Variants in CARS1 observed in about 807,000 individuals in gnomAD.
CARS1 encodes the protein cysteine--tRNA ligase, cytoplasmic.
CARS1 carries 48 observed loss-of-function variants against 106.2 expected under a neutral mutation model. That is an observed-to-expected ratio of 0.45 (90% confidence interval 0.36 to 0.57). The LOEUF (loss-of-function observed/expected upper bound fraction) is 0.57. CARS1 is among the 20% of genes least tolerant of loss of function. CARS1 has a pLI of 0.00. For synonymous variants in CARS1, 409 were observed against 403.4 expected, an observed-to-expected ratio of 1.01 and a Z score of -0.17; for missense variants, 968 against 1,057.2, an observed-to-expected ratio of 0.92 and a Z score of 1.17.
intron 18 of CARS1, chr11:3,009,613 G>A (rs1022973828): frequency 2.0e-5 from 3 of 152,350 alleles, no homozygotes; most frequent in Admixed American, 2.0e-4. Context: ...CATCTCCCCA[G>A]TGCAGAGGGC....
intron 7 of CARS1, among the ~76,000 whole-genome samples, chr11:3,033,186 G>T (rs1299277951): frequency 6.6e-6 from 1 of 151,940 alleles, no homozygotes; most frequent in Non-Finnish European, 1.5e-5. Flanking sequence ...GGAAGAATTA[G>T]CAAAGACACA....
chr11:3,043,736 G>C lies in CARS1; in HGVS notation c.275-1480C>G, dbSNP rs996304880. On this transcript the variant is annotated intron_variant, in intron 2 of 22. Transcript: ENST00000380525. This position sits in a 1 kb window ranked among gnomAD's most constrained non-coding sequence, Gnocchi z 4.0. Reference sequence around the variant, plus strand: ...GCCATCTCTTGGCCTCCCGGCTCTAGCTCAGGCCACACGAGCCAGGACGGC... The same window carrying C: ...GCCATCTCTTGGCCTCCCGGCTCTACCTCAGGCCACACGAGCCAGGACGGC... 6.6e-6 allele frequency among the ~76,000 whole-genome samples: 1 copy of C among 152,144 alleles called. No individual in the cohort carries two copies. Among genetic ancestry groups the C allele is most frequent in the African/African-American group, 2.4e-5 (1 of 41,426 alleles).
At position 3,041,722 on chromosome 11, in the gene CARS1, C is replaced by T. The variant is rs1311158315; in HGVS notation, c.366+443G>A. 6.6e-6 allele frequency among the ~76,000 whole-genome samples: 1 copy of T among 152,230 alleles called. No homozygotes were observed. Among genetic ancestry groups the T allele is most frequent in the Admixed American group, 6.5e-5 (1 of 15,288 alleles). On this transcript the variant is annotated intron_variant, in intron 3 of 22. Coordinates refer to ENST00000380525, the MANE Select transcript of CARS1 (RefSeq NM_001014437.3). This position sits in a 1 kb window ranked among gnomAD's most constrained non-coding sequence, Gnocchi z 4.9. ...CATGCAAACCCCATTCTGTTAGGAA[C>T]CAATCCTGCCTTCTTCTCAAAACCT...
In CARS1 at chr11:3,017,884, C is replaced by T. The variant is rs774135722; in HGVS notation, c.1700G>A (p.Gly567Glu). ...CTTATTCAGTTCTGCTTCTTCTTCT[C>T]CCCACTTCTCAAACTGACCAGTGAT... ...VDITGQFEKW[G>E]EEEAELNKNF... Residue 567 changes from glycine to glutamate, a missense_variant, in exon 15 of 23, where the codon GGA (glycine) becomes GAA (glutamate). Physicochemically the swap from Gly to Glu is moderately conservative, Grantham distance 98 (BLOSUM62 -2). Coordinates refer to ENST00000380525, the MANE Select transcript of CARS1 (RefSeq NM_001014437.3). This position sits in a 1 kb window ranked among gnomAD's most constrained non-coding sequence, Gnocchi z 4.9. 16 of 1,613,310 alleles carry T rather than the reference C, an allele frequency of 9.9e-6. No homozygotes were observed. The Admixed American group carries it at 2.5e-4, about 25-fold the overall frequency.
At chr11:3,054,738 C>A in intron 1 of CARS1, 1 of 617,868 alleles carries the variant, frequency 1.6e-6, no homozygotes. Context: ...CAAAGGGGTT[C>A]CCCCAAGGGT....
chr11:3,049,237 C>G (rs1855419024), intron 1 of CARS1, among the ~76,000 whole-genome samples: 1 of 152,160 alleles, frequency 6.6e-6, no homozygotes, highest in Non-Finnish European at 1.5e-5. Context: ...GCCTAAGCCT[C>G]CTGAGTAGCT....
In CARS1 at chr11:3,044,930, G is replaced by A. The variant is rs778957941; in HGVS notation, c.275-2674C>T. 6.6e-6 allele frequency among the ~76,000 whole-genome samples: 1 copy of A among 152,164 alleles called. No homozygotes were observed. Among genetic ancestry groups the A allele is most frequent in the Non-Finnish European group, 1.5e-5 (1 of 68,034 alleles). ...GACCCAAGCAAGGGGTTCATGGAGA[G>A]AAATCCTTCATCAGGAAGTTAAGGG... On this transcript the variant is annotated intron_variant, in intron 2 of 22. Coordinates refer to ENST00000380525, the MANE Select transcript of CARS1 (RefSeq NM_001014437.3). This position sits in a 1 kb window ranked among gnomAD's most constrained non-coding sequence, Gnocchi z 4.4.
chr11:3,052,955 G>A lies in CARS1; in HGVS notation c.25+4388C>T, dbSNP rs1302084136. ...CCCATGAGAAGGAATGTCCACCACCGGATGACCTTGCAGTTCAGTTCATCA... is the reference window on the plus strand; with the variant it reads ...CCCATGAGAAGGAATGTCCACCACCAGATGACCTTGCAGTTCAGTTCATCA... On this transcript the variant is annotated intron_variant, in intron 1 of 22. Transcript: ENST00000380525. This position sits in a 1 kb window ranked among gnomAD's most constrained non-coding sequence, Gnocchi z 4.6. 1.3e-5 allele frequency among the ~76,000 whole-genome samples: 2 copies of A among 152,232 alleles called. No individual in the cohort carries two copies. Among genetic ancestry groups the A allele is most frequent in the Non-Finnish European group, 2.9e-5 (2 of 68,054 alleles).
intron 3 of CARS1, 94 bp downstream of exon 3, chr11:3,042,071 A>G: frequency 4.7e-6 from 4 of 858,300 alleles, no homozygotes; most frequent in Non-Finnish European, 7.6e-6. Context: ...AACACAAGGA[A>G]CAGAGAAGTC....
intron 1 of CARS1, among the ~76,000 whole-genome samples, chr11:3,049,765 C>T (rs1180298769): frequency 6.6e-6 from 1 of 152,246 alleles, no homozygotes; most frequent in Non-Finnish European, 1.5e-5. Context: ...GTCCCCCTCT[C>T]TGCCTTCTCC....
chr11:3,054,526 T>A (rs1856002438), intron 1 of CARS1, among the ~76,000 whole-genome samples: 1 of 152,268 alleles, frequency 6.6e-6, no homozygotes, highest in African/African-American at 2.4e-5. Flanking sequence ...CTCGTCTGCC[T>A]TAACTCACTG....
chr11:3,047,582 T>A (rs188940228), intron 2 of CARS1, among the ~76,000 whole-genome samples, 171 bp downstream of exon 2: 51 of 152,280 alleles, frequency 3.3e-4, no homozygotes, highest in African/African-American at 1.0e-3. Context: ...TATCCCAACC[T>A]CCATCCAGCA....
At chr11:3,056,130 T>C (rs2134334481) in intron 1 of CARS1, among the ~76,000 whole-genome samples, 1 of 152,372 alleles carries the variant, frequency 6.6e-6, no homozygotes, top group Non-Finnish European at 1.5e-5. Flanking sequence ...CCCTGTCATC[T>C]GGGTGTCCCC....
In CARS1 at chr11:3,018,735, G is replaced by A. The variant is rs149018170; in HGVS notation, c.1410C>T (p.Asn470=). 3.3e-5 allele frequency: 53 copies of A among 1,613,682 alleles called. No homozygotes were observed. In the African/African-American group the frequency reaches 4.5e-4, roughly 14 times the overall value. Residue 470 remains asparagine, a synonymous_variant, in exon 13 of 23, where the codon AAC becomes AAT. Transcript: ENST00000380525. Reference sequence around the variant, plus strand: ...GCAGGAAGTACCTGACCCAGCAGTCGTTTTCAAAGTAGGCCTGCGTGGAAA... The same window carrying A: ...GCAGGAAGTACCTGACCCAGCAGTCATTTTCAAAGTAGGCCTGCGTGGAAA... The part of the protein sequence containing the change: ...ELAQSEAYFE[N]DCWVRYFLHT...
At position 3,037,982 on chromosome 11, in the gene CARS1, C is replaced by A; in HGVS notation, c.801+68G>T. On this transcript the variant is annotated intron_variant, in intron 7 of 22. Coordinates refer to ENST00000380525, the MANE Select transcript of CARS1 (RefSeq NM_001014437.3). This position sits in a 1 kb window ranked among gnomAD's most constrained non-coding sequence, Gnocchi z 5.9. The stretch of plus-strand genomic sequence containing the variant: ...AATCTGTGGAATCAATCCGTGCACA[C>A]AGATCAGTCTATGCACGGCCCGACA... 7.0e-7 allele frequency: 1 copy of A among 1,438,648 alleles called. No homozygotes were observed. Among genetic ancestry groups the A allele is most frequent in the South Asian group, 1.2e-5 (1 of 81,962 alleles). The allele number at this position is 1,438,648 out of a possible 1,614,324, so 89.1% of individuals were successfully genotyped here.
At chr11:3,035,642 T>C (rs1464866121) in intron 7 of CARS1, among the ~76,000 whole-genome samples, 3 of 152,170 alleles carry the variant, frequency 2.0e-5, no homozygotes, top group Non-Finnish European at 4.4e-5. Flanking sequence ...TGCATCACCA[T>C]GCTTGGCTAA....
At chr11:3,047,533 A>AT (rs1855224279) in intron 2 of CARS1, among the ~76,000 whole-genome samples, 1 of 152,152 alleles carries the variant, frequency 6.6e-6, no homozygotes, top group Non-Finnish European at 1.5e-5. Context: ...TGATGTGAAC[A>AT]TACTGCTCCT....
rs1278871627 is a variant in CARS1, at chr11:3,050,052, C to T, written c.26-2051G>A. Among the ~76,000 whole-genome samples the T allele has an allele frequency of 3.3e-5, 5 of 152,212 alleles. No individual in the cohort carries two copies. The highest frequency in any genetic ancestry group is 7.3e-5 in the Non-Finnish European group (5 of 68,036). On this transcript the variant is annotated intron_variant, in intron 1 of 22. Coordinates refer to ENST00000380525, the MANE Select transcript of CARS1 (RefSeq NM_001014437.3). The surrounding 1 kb of genome is among the most constrained non-coding windows in gnomAD (Gnocchi z 6.3). ...GCCCCACTGGGCCGAGCTCTTCACC[C>T]GCCAGGGAGCCTACGGAGCCACGTG...
At chr11:3,033,719 A>C (rs1456878283) in intron 7 of CARS1, among the ~76,000 whole-genome samples, 2 of 152,218 alleles carry the variant, frequency 1.3e-5, no homozygotes, top group African/African-American at 4.8e-5. Context: ...AAAACTGATA[A>C]AACAAAAAGA....
Sources: gnomAD v4.1 joint callset for allele counts (sites outside exome capture counted in the v4.1 genomes callset) on GRCh38, gnomAD v4.1.1 for gene constraint, Gnocchi (gnomAD v3.1) non-coding constraint, MANE v1.5 for transcripts, NCBI Gene and HGNC (gene_info 2026-07-23, HGNC 2026-07-21) for gene names.